NAV3: variants seen among roughly 807,000 people sequenced by gnomAD.
The protein encoded by NAV3 is neuron navigator 3.
In NAV3, 87 loss-of-function variants were observed where a neutral mutation model predicts 244.7. The ratio of observed to expected loss-of-function variants is 0.36; its 90% CI spans 0.30 to 0.42. The LOEUF (loss-of-function observed/expected upper bound fraction) is 0.42. NAV3 is among the 20% of genes least tolerant of loss of function. The probability of loss-of-function intolerance (pLI) is 1.00; values close to 1 mark genes in which losing one functional copy is unlikely to be tolerated. For synonymous variants in NAV3, 1,126 were observed against 1,042.2 expected (o/e 1.08, Z -1.55); for missense variants, 2,663 against 2,893.3 (o/e 0.92, Z 1.83).
chr12:78,102,021 C>G (rs1388085889), intron 12 of NAV3, among the ~76,000 whole-genome samples: 1 of 151,954 alleles, frequency 6.6e-6, no homozygotes, highest in African/African-American at 2.4e-5. Flanking sequence ...AAAAGTGGTG[C>G]CTTGATTTTG....
intron 1 of NAV3, among the ~76,000 whole-genome samples, chr12:77,911,759 GTTTAT>G (rs1246400931): frequency 6.6e-6 from 1 of 151,970 alleles, no homozygotes. Context: ...GACCAAATGT[GTTTAT>G]TTTAGTCTAA....
At chr12:78,102,560 C>A (rs372019269) in intron 12 of NAV3, among the ~76,000 whole-genome samples, 1 of 152,192 alleles carries the variant, frequency 6.6e-6, no homozygotes, top group Admixed American at 6.5e-5. Context: ...TCCACTAGGC[C>A]GTGCTCCAGT....
intron 2 of NAV3, among the ~76,000 whole-genome samples, chr12:77,760,641 G>T (rs1869414623): frequency 6.6e-6 from 1 of 152,176 alleles, no homozygotes; most frequent in Admixed American, 6.5e-5. Context: ...ATAAATTAAA[G>T]AAACATTATC....
In NAV3 at chr12:78,166,924, A is replaced by T. The variant is rs528956584; in HGVS notation, c.4870-1831A>T. On this transcript the variant is annotated intron_variant, in intron 23 of 39. Coordinates refer to ENST00000397909, the MANE Select transcript of NAV3 (RefSeq NM_001024383.2). Reference sequence around the variant, plus strand: ...TTAATCCGTAGTACAAGCATTATTGATCTTAAATTTAAGGATAAAAACCTG... The same window carrying T: ...TTAATCCGTAGTACAAGCATTATTGTTCTTAAATTTAAGGATAAAAACCTG... Among the ~76,000 whole-genome samples the T allele has an allele frequency of 2.6e-5, 4 of 151,886 alleles. No individual in the cohort carries two copies. In the South Asian group the frequency reaches 8.3e-4, roughly 31 times the overall value.
At chr12:77,686,432 T>C (rs1202256423) in intron 2 of NAV3, among the ~76,000 whole-genome samples, 18 of 148,494 alleles carry the variant, frequency 1.2e-4, no homozygotes, top group South Asian at 4.3e-4. Flanking sequence ...TTCTTTTTTT[T>C]TTTTTTTTTT....
At chr12:77,845,258 T>C (rs1397240165) in intron 1 of NAV3, among the ~76,000 whole-genome samples, 1 of 152,114 alleles carries the variant, frequency 6.6e-6, no homozygotes, top group East Asian at 1.9e-4. Context: ...ATCTTAGTAG[T>C]GATTTATGGG....
In NAV3 at chr12:78,042,313, A is replaced by T. The variant is rs1233420375; in HGVS notation, c.2024-7680A>T. Among the ~76,000 whole-genome samples the T allele has an allele frequency of 2.0e-5, 3 of 152,182 alleles. No individual in the cohort carries two copies. In the East Asian group the frequency reaches 5.8e-4, roughly 29 times the overall value. ...AGGCCAGCGTTAGTCATACTTGCAG[A>T]GCTATTTGTTTCATGCTCATTAGAT... On this transcript the variant is annotated intron_variant, in intron 9 of 39. Transcript: ENST00000397909.
At chr12:77,600,586 T>A (rs1870381456) in intron 2 of NAV3, among the ~76,000 whole-genome samples, 1 of 151,950 alleles carries the variant, frequency 6.6e-6, no homozygotes, top group African/African-American at 2.4e-5. Context: ...GAAACACACT[T>A]GGCAAGTGCA....
chr12:78,161,538 G>A (rs551887682), intron 23 of NAV3, among the ~76,000 whole-genome samples: 1 of 152,202 alleles, frequency 6.6e-6, no homozygotes, highest in South Asian at 2.1e-4. Context: ...GTAGAGGTAT[G>A]TTAATGTATA....
intron 2 of NAV3, among the ~76,000 whole-genome samples, chr12:77,768,535 A>G (rs745947514): frequency 6.6e-6 from 1 of 152,226 alleles, no homozygotes; most frequent in Non-Finnish European, 1.5e-5. Context: ...CCCCAAGCAC[A>G]TGCACATCCA....
intron 1 of NAV3, among the ~76,000 whole-genome samples, chr12:77,844,507 C>G (rs1461565393): frequency 1.3e-5 from 2 of 152,140 alleles, no homozygotes; most frequent in Non-Finnish European, 2.9e-5. Flanking sequence ...TTACTTGCTT[C>G]TAGGTGTGCA....
intron 24 of NAV3, among the ~76,000 whole-genome samples, chr12:78,169,589 A>T (rs1011835368): frequency 2.0e-5 from 3 of 151,672 alleles, no homozygotes; most frequent in Non-Finnish European, 3.0e-5. Context: ...AGCTTAAAAA[A>T]TCCTGTCCTA....
chr12:77,634,321 T>C (rs999529310), intron 2 of NAV3, among the ~76,000 whole-genome samples: 15 of 152,354 alleles, frequency 9.8e-5, no homozygotes, highest in African/African-American at 3.1e-4. Context: ...CAGGCTTTGC[T>C]ACTTTATGAT....
At chr12:77,961,381 TATAA>T (rs1891962755) in intron 3 of NAV3, among the ~76,000 whole-genome samples, 1 of 58,212 alleles carries the variant, frequency 1.7e-5, no homozygotes, top group South Asian at 8.8e-4. Flanking sequence ...AATATATTAA[TATAA>T]ATACATTATA....
Position 78,140,265 on chromosome 12 carries a change from C to A in NAV3, c.4631-17C>A. 6.2e-7 allele frequency: 1 copy of A among 1,610,162 alleles called. No individual in the cohort carries two copies. The highest frequency in any genetic ancestry group is 8.5e-7 in the Non-Finnish European group (1 of 1,176,776). ...ACCTTATTGTTTTAACTCTATTGTT[C>A]TGTTTGTTTTCTCCAGTTCATGGCT... On this transcript the variant is annotated splice_polypyrimidine_tract_variant and intron_variant, in intron 19 of 39. Transcript: ENST00000397909.
Position 78,059,059 on chromosome 12 carries a change from A to G in NAV3, c.2580A>G (p.Ala860=), listed in dbSNP as rs2137407536. ...TRSLNRIPDT[A]TSRDIIQRGV... is the part of the protein sequence containing the mutation. ...GTCTGAACCGAATACCAGACACAGC[A>G]ACTTCCCGGGACATCATCCAGAGAG... The change falls in exon 12 of 40, where the codon GCA becomes GCG. Residue 860 remains alanine, a synonymous_variant. Coordinates refer to ENST00000397909, the MANE Select transcript of NAV3 (RefSeq NM_001024383.2). 2 of 1,612,738 alleles carry G rather than the reference A, an allele frequency of 1.2e-6. No individual in the cohort carries two copies. The highest frequency in any genetic ancestry group is 1.7e-6 in the Non-Finnish European group (2 of 1,179,240).
intron 2 of NAV3, among the ~76,000 whole-genome samples, chr12:77,767,523 T>C (rs1030642938): frequency 3.9e-5 from 6 of 152,150 alleles, no homozygotes; most frequent in Admixed American, 6.5e-5. Context: ...TGGCAAGGGA[T>C]GTGTGAGTAG....
intron 36 of NAV3, 134 bp downstream of exon 36, chr12:78,198,810 C>T: frequency 1.6e-6 from 1 of 635,680 alleles, no homozygotes; most frequent in Non-Finnish European, 2.8e-6. Context: ...ACAAATCTTG[C>T]CAGAGATGAC....
At chr12:77,876,825 A>G (rs1370415150) in intron 1 of NAV3, among the ~76,000 whole-genome samples, 1 of 151,980 alleles carries the variant, frequency 6.6e-6, no homozygotes, top group Non-Finnish European at 1.5e-5. Flanking sequence ...TGGGCTGCTT[A>G]CTTTAAATTT....
Sources: allele counts gnomAD v4.1 joint callset (sites outside exome capture counted in the v4.1 genomes callset), GRCh38; gene constraint gnomAD v4.1.1; transcripts MANE v1.5; gene names NCBI Gene and HGNC (gene_info 2026-07-23, HGNC 2026-07-21).